The following ARB2A variants were observed in gnomAD, a reference collection of about 807,000 sequenced individuals.
ARB2A encodes the protein ARB2 cotranscriptional regulator A.
the ARB2A span, among the ~76,000 whole-genome samples, chr5:93,844,747 T>A: frequency 6.6e-6 from 1 of 152,168 alleles, no homozygotes; most frequent in Non-Finnish European, 1.5e-5. Context: ...GATACTAGTG[T>A]GATTCAAAAG....
At chr5:93,892,532 A>C in the ARB2A span, among the ~76,000 whole-genome samples, 1 of 152,194 alleles carries the variant, frequency 6.6e-6, no homozygotes, top group Non-Finnish European at 1.5e-5. Flanking sequence ...AGTTTCAACT[A>C]ATTTTTACTA....
chr5:93,880,681 ATAATT>A, the ARB2A span, among the ~76,000 whole-genome samples: 3 of 151,852 alleles, frequency 2.0e-5, no homozygotes, highest in African/African-American at 7.2e-5. Context: ...TCTCATATAT[ATAATT>A]TATAGTATGC....
the ARB2A span, among the ~76,000 whole-genome samples, chr5:93,954,688 C>A: frequency 6.6e-6 from 1 of 151,722 alleles, no homozygotes; most frequent in East Asian, 1.9e-4. Context: ...CAGCACAGCA[C>A]AGCACAGCAC....
At chr5:93,964,179 C>T in the ARB2A span, among the ~76,000 whole-genome samples, 2 of 151,868 alleles carry the variant, frequency 1.3e-5, no homozygotes, top group African/African-American at 4.8e-5. Flanking sequence ...AGAAAGGGTA[C>T]AGGTAAGGGT....
At chr5:93,668,685 G>C in the ARB2A span, among the ~76,000 whole-genome samples, 1 of 152,196 alleles carries the variant, frequency 6.6e-6, no homozygotes, top group African/African-American at 2.4e-5. Flanking sequence ...ATAAGTACTT[G>C]AATTTAGAAT....
chr5:94,061,862 A>T, the ARB2A span, among the ~76,000 whole-genome samples: 1 of 152,244 alleles, frequency 6.6e-6, no homozygotes, highest in Non-Finnish European at 1.5e-5. Context: ...AATTCTCCCC[A>T]AATTTATCTA....
chr5:93,728,711 G>T, the ARB2A span, among the ~76,000 whole-genome samples: 1 of 151,810 alleles, frequency 6.6e-6, no homozygotes, highest in Non-Finnish European at 1.5e-5. Flanking sequence ...AAGAAAGGCC[G>T]TTAGAACCTT....
chr5:93,900,470 G>A, the ARB2A span, among the ~76,000 whole-genome samples: 2 of 151,950 alleles, frequency 1.3e-5, no homozygotes, highest in Admixed American at 1.3e-4. Flanking sequence ...AATTAGCCAG[G>A]CTTGGTGGTG....
the ARB2A span, among the ~76,000 whole-genome samples, chr5:93,728,839 TTAAA>T: frequency 2.6e-5 from 4 of 152,242 alleles, no homozygotes; most frequent in Non-Finnish European, 4.4e-5. Context: ...CGTACTACAA[TTAAA>T]TAAATGATCT....
At chr5:94,009,919 CTTT>C in the ARB2A span, among the ~76,000 whole-genome samples, 3 of 136,462 alleles carry the variant, frequency 2.2e-5, no homozygotes, top group Admixed American at 7.4e-5. Context: ...CATCTTTGGT[CTTT>C]TTTTTTTTTT....
At chr5:93,631,555 G>A in the ARB2A span, among the ~76,000 whole-genome samples, 2 of 152,136 alleles carry the variant, frequency 1.3e-5, no homozygotes, top group Admixed American at 6.5e-5. Flanking sequence ...GGAATCACAA[G>A]CAAAGAATCA....
the ARB2A span, among the ~76,000 whole-genome samples, chr5:94,059,168 TGA>T: frequency 6.7e-6 from 1 of 150,068 alleles, no homozygotes; most frequent in African/African-American, 2.5e-5. Context: ...GGAGGGAGAC[TGA>T]GAACTGAGGG....
chr5:94,103,708 A>T, the ARB2A span, among the ~76,000 whole-genome samples: 1 of 151,792 alleles, frequency 6.6e-6, no homozygotes, highest in Non-Finnish European at 1.5e-5. Context: ...ACTCAACTAC[A>T]ACAGAATATA....
At chr5:93,790,454 T>C in the ARB2A span, among the ~76,000 whole-genome samples, 3 of 152,222 alleles carry the variant, frequency 2.0e-5, no homozygotes, top group Admixed American at 2.0e-4. Context: ...TGCTTTTTCC[T>C]TTGATTACAT....
the ARB2A span, among the ~76,000 whole-genome samples, chr5:93,711,049 A>G: frequency 6.6e-6 from 1 of 152,140 alleles, no homozygotes; most frequent in African/African-American, 2.4e-5. Flanking sequence ...GAAACCTTCA[A>G]TCTGGCAGTT....
chr5:93,967,800 C>A, the ARB2A span, among the ~76,000 whole-genome samples: 6 of 152,188 alleles, frequency 3.9e-5, no homozygotes, highest in African/African-American at 1.2e-4. Context: ...GCTGACCTGG[C>A]AGAAAGGGAA....
At chr5:93,830,313 A>ATGTGTGTGTG in the ARB2A span, among the ~76,000 whole-genome samples, 452 of 51,308 alleles carry the variant, frequency 8.8e-3, 1 homozygote, top group Middle Eastern at 0.026. Context: ...GTGTGTGTGT[A>ATGTGTGTGTG]TATATATATA....
At chr5:94,036,299 C>T in the ARB2A span, among the ~76,000 whole-genome samples, 8 of 152,184 alleles carry the variant, frequency 5.3e-5, no homozygotes, top group Non-Finnish European at 1.2e-4. Flanking sequence ...ATTCACAAAG[C>T]TATCCCTTCA....
At chr5:93,865,170 G>C in the ARB2A span, among the ~76,000 whole-genome samples, 31 of 152,038 alleles carry the variant, frequency 2.0e-4, no homozygotes, top group Middle Eastern at 3.4e-3. Flanking sequence ...CAAGCTCTGC[G>C]TCCCGGGTTC....
Sources: gnomAD v4.1 joint callset for allele counts (sites outside exome capture counted in the v4.1 genomes callset) on GRCh38, gnomAD v4.1.1 for gene constraint, MANE v1.5 for transcripts, NCBI Gene and HGNC (gene_info 2026-07-23, HGNC 2026-07-21) for gene names.